Variants in LRRK1 observed in about 807,000 individuals in gnomAD.
The protein encoded by LRRK1 is leucine-rich repeat serine/threonine-protein kinase 1.
In LRRK1, 113 loss-of-function variants were observed where a neutral mutation model predicts 209.1. The observed-to-expected ratio is 0.54, with a 90% CI of 0.46 to 0.63. LRRK1 has a LOEUF of 0.63. Among genes scored for constraint, LRRK1 ranks in the 30% least tolerant of loss-of-function variants. The pLI is 0.00. For missense variants in LRRK1, 2,284 were observed against 2,632.2 expected, an observed-to-expected ratio of 0.87 and a Z score of 2.89; for synonymous variants, 1,144 against 1,099.7, an observed-to-expected ratio of 1.04 and a Z score of -0.80.
intron 2 of LRRK1, among the ~76,000 whole-genome samples, chr15:100,930,382 C>G (rs1177644727): frequency 6.6e-6 from 1 of 152,180 alleles, no homozygotes; most frequent in Non-Finnish European, 1.5e-5. Flanking sequence ...ACACCTGGGT[C>G]CACAGGGAGA....
At chr15:101,055,693 G>A (rs2995904) in intron 27 of LRRK1, among the ~76,000 whole-genome samples, 50,315 of 151,840 alleles carry the variant, frequency 0.33, 8,401 homozygotes, top group Middle Eastern at 0.4. Flanking sequence ...GAGTGAAAGA[G>A]CAAGCTGGCA....
chr15:100,942,065 T>A (rs1366262771), intron 2 of LRRK1, among the ~76,000 whole-genome samples: 2 of 152,236 alleles, frequency 1.3e-5, no homozygotes, highest in Non-Finnish European at 2.9e-5. Flanking sequence ...TTTGTAATAA[T>A]TTCTAAGGAT....
intron 12 of LRRK1, 79 bp from the exon 13 acceptor site, chr15:101,020,974 T>G: frequency 6.4e-7 from 1 of 1,555,456 alleles, no homozygotes. Context: ...TTGCATCAGT[T>G]TATACGCCCA....
intron 2 of LRRK1, among the ~76,000 whole-genome samples, chr15:100,966,495 A>G (rs368860723): frequency 5.9e-5 from 9 of 152,372 alleles, no homozygotes; most frequent in African/African-American, 2.2e-4. Flanking sequence ...GAAGTCCCCC[A>G]TGGCCCATGC....
intron 21 of LRRK1, among the ~76,000 whole-genome samples, chr15:101,046,389 CAG>C (rs553940027): frequency 7.9e-4 from 120 of 152,350 alleles, no homozygotes; most frequent in Non-Finnish European, 1.3e-3. Flanking sequence ...CCTTTATAAA[CAG>C]TGGTTCTCAG....
intron 2 of LRRK1, among the ~76,000 whole-genome samples, chr15:100,932,063 G>A (rs1287953151): frequency 6.6e-6 from 1 of 152,128 alleles, no homozygotes; most frequent in Non-Finnish European, 1.5e-5. Flanking sequence ...TCGGCTCACT[G>A]CAACCTCCAC....
At chr15:100,962,184 A>G (rs1275743474) in intron 2 of LRRK1, among the ~76,000 whole-genome samples, 1 of 152,204 alleles carries the variant, frequency 6.6e-6, no homozygotes, top group Non-Finnish European at 1.5e-5. Flanking sequence ...TTCAGCAGCA[A>G]TACAAGTTAC....
chr15:101,049,714 G>A lies in LRRK1; in HGVS notation c.3370G>A (p.Val1124Met). The change falls in exon 23 of 34, where the codon GTG (valine) becomes ATG (methionine). Residue 1124 changes from valine (V) to methionine (M), a missense_variant. Coordinates refer to ENST00000388948, the MANE Select transcript of LRRK1 (RefSeq NM_024652.6). ...GGMKIVCQSE[V>M]RDFSAMAFIT... Reference sequence around the variant, plus strand: ...AATGAAAATTGTTTGCCAATCAGAAGTGAGGGACTTCTCAGCCATGGCTTT... The same window carrying A: ...AATGAAAATTGTTTGCCAATCAGAAATGAGGGACTTCTCAGCCATGGCTTT... The A allele has an allele frequency of 6.2e-7, 1 of 1,614,200 alleles. No individual in the cohort carries two copies. Among genetic ancestry groups the A allele is most frequent in the Non-Finnish European group, 8.5e-7 (1 of 1,180,012 alleles).
At chr15:100,926,211 G>A (rs1488647194) in intron 2 of LRRK1, among the ~76,000 whole-genome samples, 1 of 152,172 alleles carries the variant, frequency 6.6e-6, no homozygotes, top group Non-Finnish European at 1.5e-5. Context: ...TATTAGACGT[G>A]TGTCTTTTTT....
In LRRK1 at chr15:100,919,796, A is replaced by AGAGACACGAGTCGG. The variant is rs1298125757; in HGVS notation, c.-123+356_-123+369dup. 1.3e-5 allele frequency among the ~76,000 whole-genome samples: 2 copies of AGAGACACGAGTCGG among 152,022 alleles called. No homozygotes were observed. Among genetic ancestry groups the AGAGACACGAGTCGG allele is most frequent in the African/African-American group, 4.8e-5 (2 of 41,400 alleles). On this transcript the variant is annotated intron_variant, in intron 1 of 33. Transcript: ENST00000388948. The surrounding 1 kb of genome is among the most constrained non-coding windows in gnomAD (Gnocchi z 5.8). ...TCGGGAAAGCTGGGAAGCGGAGGCAAGAGACACGAGTCGGGAGACACGAGC... is the reference window on the plus strand; with the variant it reads ...TCGGGAAAGCTGGGAAGCGGAGGCAAGAGACACGAGTCGGGAGACACGAGTCGGGAGACACGAGC...
chr15:100,962,823 ATTTTTTT>A lies in LRRK1; in HGVS notation c.98-10970_98-10964del, dbSNP rs1161979293. 3.5e-4 allele frequency among the ~76,000 whole-genome samples: 4 copies of A among 11,548 alleles called. No individual in the cohort carries two copies. In the East Asian group the frequency reaches 4.2e-3, roughly 12 times the overall value. 7.6% of individuals were successfully genotyped at this position (11,548 alleles called of 152,430 possible). On this transcript the variant is annotated intron_variant, in intron 2 of 33. Coordinates refer to ENST00000388948, the MANE Select transcript of LRRK1 (RefSeq NM_024652.6). The stretch of plus-strand genomic sequence containing the variant: ...TATATATATATATATATATATATAT[ATTTTTTT>A]TTTTTTTTTTGAGATGGAGTTTCAC...
intron 12 of LRRK1, among the ~76,000 whole-genome samples, chr15:101,020,298 C>T (rs1483647347): frequency 1.3e-5 from 2 of 149,676 alleles, no homozygotes; most frequent in East Asian, 2.0e-4. Flanking sequence ...ACATGGTATG[C>T]GTGTGTGTGC....
chr15:101,061,063 G>C lies in LRRK1; in HGVS notation c.4680-108G>C, dbSNP rs1466199848. 9.9e-6 allele frequency: 8 copies of C among 804,532 alleles called. No homozygotes were observed. The East Asian group carries it at 1.9e-4, about 20-fold the overall frequency. The allele number at this position is 804,532 out of a possible 1,614,324, so 49.8% of individuals were successfully genotyped here. The stretch of plus-strand genomic sequence containing the variant: ...CTCAGAACACAGGATGCAACCCTGG[G>C]TGGGAGCAGGGGAGGTAGACGAGGC... On this transcript the variant is annotated intron_variant, in intron 29 of 33. Coordinates refer to ENST00000388948, the MANE Select transcript of LRRK1 (RefSeq NM_024652.6).
chr15:101,057,006 C>T lies in LRRK1; in HGVS notation c.4483C>T (p.Leu1495=). ...GCCGGAGGAAGTGCAGTTCCGGCGACTGCAGGCGCTCATGATGGAGTGCTG... is the reference window on the plus strand; with the variant it reads ...GCCGGAGGAAGTGCAGTTCCGGCGATTGCAGGCGCTCATGATGGAGTGCTG... ...GQPEEVQFRR[L]QALMMECWDT... is the part of the protein sequence containing the mutation. The change falls in exon 28 of 34, where the codon CTG becomes TTG. Residue 1495 remains leucine, a synonymous_variant. Coordinates refer to ENST00000388948, the MANE Select transcript of LRRK1 (RefSeq NM_024652.6). 1 of 1,613,708 alleles carries T rather than the reference C, an allele frequency of 6.2e-7. No homozygotes were observed. The highest frequency in any genetic ancestry group is 1.3e-5 in the African/African-American group (1 of 75,048).
In LRRK1 at chr15:101,068,788, T is replaced by C; in HGVS notation, c.5988T>C (p.Ile1996=). ...GCTGGGGCGCCAGGGAGTTCGACAT[T>C]TTCTACCAGTCCTACGAGGAGCTGG... is the stretch of plus-strand genomic sequence containing the variant. The part of the protein sequence containing the change: ...WRGWGAREFD[I]FYQSYEELGR... Residue 1996 remains isoleucine, a synonymous_variant, in exon 34 of 34, where the codon ATT becomes ATC. Coordinates refer to ENST00000388948, the MANE Select transcript of LRRK1 (RefSeq NM_024652.6). The C allele has an allele frequency of 6.2e-7, 1 of 1,613,326 alleles. No individual in the cohort carries two copies. Among genetic ancestry groups the C allele is most frequent in the African/African-American group, 1.3e-5 (1 of 74,978 alleles).
Position 101,075,290 on chromosome 15 carries a change from T to TTATTAGG in LRRK1, c.*6442_*6443insTATTAGG, listed in dbSNP as rs1215738904. 5.3e-5 allele frequency: 2 copies of TTATTAGG among 38,072 alleles called. No individual in the cohort carries two copies. 2.4% of individuals were successfully genotyped at this position (38,072 alleles called of 1,614,324 possible). A position where few individuals can be genotyped will look rare whatever the true frequency, so the allele number is the denominator to read the frequency against. ...TTTTAGTTATCCCCAGCTGCCCAGT[T>TTATTAGG]CCCTTATTAGGCTGAGACACTTTAA... On this transcript the variant is annotated 3_prime_UTR_variant, in exon 34 of 34. Coordinates refer to ENST00000388948, the MANE Select transcript of LRRK1 (RefSeq NM_024652.6).
rs2031149432 is a variant in LRRK1, at chr15:100,974,118, GCCTTT to G, written c.261+159_261+163del. 5.0e-5 allele frequency: 31 copies of G among 614,216 alleles called. No individual in the cohort carries two copies. In the East Asian group the frequency reaches 1.1e-3, roughly 21 times the overall value. 38.0% of individuals were successfully genotyped at this position (614,216 alleles called of 1,614,324 possible). On this transcript the variant is annotated intron_variant, in intron 3 of 33. Transcript: ENST00000388948. ...TCGCTTTGCGTATAAACTTGTGGGCGCCTTTCCTTTCCAACTGACTTCTCAGTCTG... is the reference window on the plus strand; with the variant it reads ...TCGCTTTGCGTATAAACTTGTGGGCGCCTTTCCAACTGACTTCTCAGTCTG...
chr15:101,005,099 A>ACC (rs2032879614), intron 6 of LRRK1, among the ~76,000 whole-genome samples: 1 of 152,182 alleles, frequency 6.6e-6, no homozygotes. Flanking sequence ...TTGGATTGCA[A>ACC]TCTGGACACC....
At position 100,950,832 on chromosome 15, in the gene LRRK1, G is replaced by A. The variant is rs567888182; in HGVS notation, c.98-22972G>A. Reference sequence around the variant, plus strand: ...ATTTAAAAAAGAGCAGGCCGGGCGCGGTGGCTCGCGCCTGTCATCCCAGCA... The same window carrying A: ...ATTTAAAAAAGAGCAGGCCGGGCGCAGTGGCTCGCGCCTGTCATCCCAGCA... On this transcript the variant is annotated intron_variant, in intron 2 of 33. Coordinates refer to ENST00000388948, the MANE Select transcript of LRRK1 (RefSeq NM_024652.6). Among the ~76,000 whole-genome samples the A allele has an allele frequency of 3.3e-5, 5 of 152,240 alleles. No individual in the cohort carries two copies. The South Asian group carries it at 6.2e-4, about 19-fold the overall frequency.
Sources: allele counts gnomAD v4.1 joint callset (sites outside exome capture counted in the v4.1 genomes callset), GRCh38; gene constraint gnomAD v4.1.1; non-coding constraint Gnocchi (gnomAD v3.1); transcripts MANE v1.5; gene names NCBI Gene and HGNC (gene_info 2026-07-23, HGNC 2026-07-21).